The following DLGAP2 variants were observed in gnomAD, a reference collection of about 807,000 sequenced individuals.
DLGAP2 encodes the protein disks large-associated protein 2.
Under a neutral mutation model 100.3 loss-of-function variants are expected in DLGAP2, and 26 were observed. The ratio of observed to expected loss-of-function variants is 0.26; its 90% CI spans 0.19 to 0.36. The LOEUF (loss-of-function observed/expected upper bound fraction) is 0.36, where lower values mean the gene tolerates loss of function less well. DLGAP2 is among the 10% of genes least tolerant of loss of function. The pLI, the probability that DLGAP2 is intolerant of heterozygous loss-of-function variation, is 1.00. For missense variants in DLGAP2, 1,858 were observed against 1,453.2 expected, an observed-to-expected ratio of 1.28 and a Z score of -4.53; for synonymous variants, 886 against 630.1, an observed-to-expected ratio of 1.41 and a Z score of -6.08.
intron 10 of DLGAP2, among the ~76,000 whole-genome samples, chr8:1,676,246 A>AT (rs1386200766): frequency 6.6e-6 from 1 of 152,176 alleles, no homozygotes; most frequent in Non-Finnish European, 1.5e-5. Flanking sequence ...AACAACACCT[A>AT]TTTTTTGCCT....
intron 2 of DLGAP2, among the ~76,000 whole-genome samples, chr8:1,222,610 G>T (rs1328245164): frequency 6.6e-6 from 1 of 152,020 alleles, no homozygotes; most frequent in Non-Finnish European, 1.5e-5. Flanking sequence ...GTGCATGCTG[G>T]CGGGGGAAGG....
intron 2 of DLGAP2, among the ~76,000 whole-genome samples, chr8:1,213,441 C>G (rs918460746): frequency 4.6e-5 from 7 of 152,152 alleles, no homozygotes; most frequent in African/African-American, 1.7e-4. Context: ...ATTACATCAT[C>G]CTTAATGTCC....
chr8:1,132,393 G>A (rs1796311974), intron 2 of DLGAP2, among the ~76,000 whole-genome samples: 1 of 152,180 alleles, frequency 6.6e-6, no homozygotes, highest in African/African-American at 2.4e-5. Context: ...ACAAATTTCT[G>A]TAATATTACA....
At chr8:1,071,492 G>T (rs1019018421) in intron 2 of DLGAP2, among the ~76,000 whole-genome samples, 3 of 152,242 alleles carry the variant, frequency 2.0e-5, no homozygotes, top group African/African-American at 2.4e-5. Flanking sequence ...ACTTGCTCCT[G>T]GGCGTCCCGG....
chr8:964,887 G>C (rs1052950729), intron 2 of DLGAP2, among the ~76,000 whole-genome samples: 2 of 152,124 alleles, frequency 1.3e-5, no homozygotes, highest in African/African-American at 4.8e-5. Context: ...GCTCCGGGGG[G>C]TACTGCCTTC....
intron 2 of DLGAP2, among the ~76,000 whole-genome samples, chr8:1,166,882 A>G (rs1797027249): frequency 6.6e-6 from 1 of 152,200 alleles, no homozygotes; most frequent in Non-Finnish European, 1.5e-5. Context: ...GAATTTTGAA[A>G]GAAAAAAACA....
Position 1,452,140 on chromosome 8 carries a change from C to G in DLGAP2, c.107-49226C>G, listed in dbSNP as rs572642404. ...AGGGCCGTGTCTTCCAGCTGTCTGTCAAGACACTGCCTCAGTTTGAGGCAT... is the reference window on the plus strand; with the variant it reads ...AGGGCCGTGTCTTCCAGCTGTCTGTGAAGACACTGCCTCAGTTTGAGGCAT... On this transcript the variant is annotated intron_variant, in intron 3 of 14. Coordinates refer to ENST00000637795, the MANE Select transcript of DLGAP2 (RefSeq NM_001346810.2). Among the ~76,000 whole-genome samples the G allele has an allele frequency of 2.3e-4, 35 of 152,372 alleles. No individual in the cohort carries two copies. In the South Asian group the frequency reaches 7.0e-3, roughly 31 times the overall value.
chr8:1,244,968 A>G (rs974057395), intron 2 of DLGAP2, among the ~76,000 whole-genome samples: 3 of 152,344 alleles, frequency 2.0e-5, no homozygotes, highest in African/African-American at 4.8e-5. Context: ...TGAACAGGCA[A>G]TTCACCCACA....
rs79842732 is a variant in DLGAP2, at chr8:1,125,229, T to A, written c.74-133622T>A. Among the ~76,000 whole-genome samples, 371 of 152,330 alleles carry A rather than the reference T, an allele frequency of 2.4e-3. 1 individual carries two copies. Among genetic ancestry groups the A allele is most frequent in the African/African-American group, 8.6e-3 (356 of 41,578 alleles). On this transcript the variant is annotated intron_variant, in intron 2 of 14. Transcript: ENST00000637795. Reference sequence around the variant, plus strand: ...CACATAATCTGTTACACCGTCAGGGTTGTAAAAATCTCCCTGTAAGATATT... The same window carrying A: ...CACATAATCTGTTACACCGTCAGGGATGTAAAAATCTCCCTGTAAGATATT...
intron 2 of DLGAP2, among the ~76,000 whole-genome samples, chr8:1,093,787 C>T (rs113901105): frequency 5.3e-4 from 80 of 152,372 alleles, no homozygotes; most frequent in African/African-American, 1.8e-3. Context: ...GGTGAATACA[C>T]GACATCAGCC....
chr8:1,050,612 A>G (rs946331353), intron 2 of DLGAP2, among the ~76,000 whole-genome samples: 5 of 152,176 alleles, frequency 3.3e-5, no homozygotes, highest in African/African-American at 1.2e-4. Flanking sequence ...TTCTTAGACT[A>G]CAGGAATAGC....
intron 2 of DLGAP2, among the ~76,000 whole-genome samples, chr8:1,177,681 T>C (rs1397342838): frequency 6.6e-6 from 1 of 152,302 alleles, no homozygotes; most frequent in East Asian, 1.9e-4. Context: ...AATAGAAGTT[T>C]ATTTCTCACA....
chr8:1,285,369 C>T (rs370192796), intron 3 of DLGAP2, among the ~76,000 whole-genome samples: 1 of 152,138 alleles, frequency 6.6e-6, no homozygotes, highest in South Asian at 2.1e-4. Context: ...AAAGCTCAGT[C>T]ATACTTCAAA....
chr8:1,091,314 A>G (rs933514628), intron 2 of DLGAP2, among the ~76,000 whole-genome samples: 3 of 152,194 alleles, frequency 2.0e-5, no homozygotes, highest in African/African-American at 7.2e-5. Context: ...GTCTGTAAAA[A>G]CTGTACAAAA....
chr8:1,238,453 G>A (rs1323589572), intron 2 of DLGAP2, among the ~76,000 whole-genome samples: 10 of 127,578 alleles, frequency 7.8e-5, no homozygotes, highest in Middle Eastern at 4.7e-3. Flanking sequence ...ACATGGCGCC[G>A]TGTCTAGTTC....
intron 2 of DLGAP2, among the ~76,000 whole-genome samples, chr8:1,252,651 T>C (rs1799072531): frequency 6.6e-6 from 1 of 152,256 alleles, no homozygotes; most frequent in Non-Finnish European, 1.5e-5. Context: ...AGAGTCATGG[T>C]TTCGTGCTCT....
At chr8:785,430 T>G (rs1054316930) in intron 1 of DLGAP2, among the ~76,000 whole-genome samples, 1 of 150,054 alleles carries the variant, frequency 6.7e-6, no homozygotes, top group African/African-American at 2.5e-5. Context: ...GAGACCGGCT[T>G]CTCTCCTCCC....
Position 928,655 on chromosome 8 carries a change from T to C in DLGAP2, c.73+20689T>C, listed in dbSNP as rs767885204. 3.2e-4 allele frequency among the ~76,000 whole-genome samples: 49 copies of C among 152,108 alleles called. 2 individuals carry two copies. Among genetic ancestry groups the C allele is most frequent in the Non-Finnish European group, 3.7e-4 (25 of 68,010 alleles). On this transcript the variant is annotated intron_variant, in intron 2 of 14. Coordinates refer to ENST00000637795, the MANE Select transcript of DLGAP2 (RefSeq NM_001346810.2). Reference sequence around the variant, plus strand: ...GCACAGGGGAAGAACTTGGTGATACTGGACAGGTCCTCCTCTGCCCTTTGC... The same window carrying C: ...GCACAGGGGAAGAACTTGGTGATACCGGACAGGTCCTCCTCTGCCCTTTGC...
chr8:1,253,170 T>C (rs114919986), intron 2 of DLGAP2, among the ~76,000 whole-genome samples: 3,479 of 152,296 alleles, frequency 0.023, 127 homozygotes, highest in African/African-American at 0.079. Context: ...AGGAAAGCGG[T>C]ACCCATCCCC....
Sources: gnomAD v4.1 joint callset for allele counts (sites outside exome capture counted in the v4.1 genomes callset) on GRCh38, gnomAD v4.1.1 for gene constraint, MANE v1.5 for transcripts, NCBI Gene and HGNC (gene_info 2026-07-23, HGNC 2026-07-21) for gene names.